EXOC4: variants seen among roughly 807,000 people sequenced by gnomAD.
EXOC4 encodes exocyst complex component 4, also known as SEC8-like 1.
EXOC4 carries 71 observed loss-of-function variants against 107.2 expected under a neutral mutation model. That is an observed-to-expected ratio of 0.66 (90% confidence interval 0.55 to 0.81). The LOEUF is 0.81. Ranked by LOEUF, EXOC4 falls within the 30% of genes least tolerant of loss-of-function variation. The pLI is 0.00. For missense variants in EXOC4, 1,108 were observed against 1,189.6 expected (o/e 0.93, Z 1.01); for synonymous variants, 456 against 441.2 (o/e 1.03, Z -0.42).
chr7:133,300,004 C>T (rs1584790804), intron 3 of EXOC4, among the ~76,000 whole-genome samples: 1 of 151,920 alleles, frequency 6.6e-6, no homozygotes, highest in Admixed American at 6.6e-5. Flanking sequence ...ATGCAGTAAC[C>T]CTGGCAGTAA....
At chr7:133,328,889 A>G (rs1396922912) in intron 5 of EXOC4, among the ~76,000 whole-genome samples, 7 of 151,974 alleles carry the variant, frequency 4.6e-5, no homozygotes, top group African/African-American at 1.5e-4. Flanking sequence ...TCTGATGGTT[A>G]TATGTCTTGG....
intron 10 of EXOC4, among the ~76,000 whole-genome samples, chr7:133,665,029 C>G (rs958989421): frequency 1.2e-4 from 19 of 152,142 alleles, no homozygotes; most frequent in Non-Finnish European, 1.9e-4. Context: ...AAGAAAAATG[C>G]AATGCTCTTT....
intron 14 of EXOC4, among the ~76,000 whole-genome samples, chr7:133,979,631 C>CA (rs1793928005): frequency 1.3e-5 from 2 of 151,868 alleles, no homozygotes; most frequent in African/African-American, 4.8e-5. Flanking sequence ...ACCAAAAATA[C>CA]AAAAAAATTA....
chr7:133,364,625 G>A (rs1221585058), intron 6 of EXOC4, among the ~76,000 whole-genome samples: 1 of 152,274 alleles, frequency 6.6e-6, no homozygotes, highest in Non-Finnish European at 1.5e-5. Context: ...TGGATGCAGG[G>A]CCCACAGGAC....
At chr7:133,352,344 T>A (rs1462049918) in intron 5 of EXOC4, among the ~76,000 whole-genome samples, 1 of 152,060 alleles carries the variant, frequency 6.6e-6, no homozygotes, top group Non-Finnish European at 1.5e-5. Context: ...ATTTTGATAG[T>A]CATTAGGTGT....
intron 10 of EXOC4, among the ~76,000 whole-genome samples, chr7:133,749,361 G>C (rs1324389364): frequency 6.6e-6 from 1 of 152,068 alleles, no homozygotes; most frequent in African/African-American, 2.4e-5. Flanking sequence ...CGCATAATCA[G>C]AATGAAGAAC....
chr7:133,978,972 A>T (rs1470573206), intron 14 of EXOC4, among the ~76,000 whole-genome samples: 1 of 152,190 alleles, frequency 6.6e-6, no homozygotes. Flanking sequence ...GTATGTTCCC[A>T]TTTCACTCTG....
chr7:133,782,989 A>G (rs529003900), intron 10 of EXOC4, among the ~76,000 whole-genome samples: 1 of 152,178 alleles, frequency 6.6e-6, no homozygotes, highest in African/African-American at 2.4e-5. Context: ...GCTATGCCAT[A>G]TATTTGCGTA....
chr7:133,256,576 A>G (rs1795024505), intron 1 of EXOC4, among the ~76,000 whole-genome samples: 1 of 152,264 alleles, frequency 6.6e-6, no homozygotes, highest in Non-Finnish European at 1.5e-5. Context: ...AGCTTTTTAA[A>G]AAATATCTTT....
chr7:133,916,555 C>G (rs1799812494), intron 12 of EXOC4, among the ~76,000 whole-genome samples: 2 of 152,320 alleles, frequency 1.3e-5, no homozygotes, highest in South Asian at 4.1e-4. Context: ...AGATGTGAAC[C>G]ACTGCATCTG....
At chr7:133,485,079 C>CAAAA (rs1491252321) in intron 9 of EXOC4, among the ~76,000 whole-genome samples, 24 of 27,754 alleles carry the variant, frequency 8.6e-4, no homozygotes, top group African/African-American at 2.5e-3. Context: ...GACTCCGTCT[C>CAAAA]AAAAAATAAA....
chr7:133,469,381 A>C (rs1283112048), intron 7 of EXOC4, among the ~76,000 whole-genome samples: 2 of 152,148 alleles, frequency 1.3e-5, no homozygotes, highest in Non-Finnish European at 2.9e-5. Flanking sequence ...GTGCCACTGC[A>C]CTCCAGCCTG....
At chr7:134,087,535 G>C in the EXOC4 span, among the ~76,000 whole-genome samples, 1 of 152,142 alleles carries the variant, frequency 6.6e-6, no homozygotes, top group Non-Finnish European at 1.5e-5. Flanking sequence ...TCCCAAGTAA[G>C]CTAAATTAGA....
At chr7:133,321,466 G>T (rs1364983003) in intron 5 of EXOC4, among the ~76,000 whole-genome samples, 1 of 152,212 alleles carries the variant, frequency 6.6e-6, no homozygotes, top group East Asian at 1.9e-4. Context: ...TTCCTCTCCT[G>T]TGTCCATATG....
intron 14 of EXOC4, among the ~76,000 whole-genome samples, chr7:133,946,842 C>A (rs2116770975): frequency 6.6e-6 from 1 of 152,292 alleles, no homozygotes; most frequent in South Asian, 2.1e-4. Context: ...CAAGAGTTAC[C>A]CCTTTTTTAA....
intron 5 of EXOC4, among the ~76,000 whole-genome samples, chr7:133,323,373 T>C (rs1423633093): frequency 6.6e-6 from 1 of 152,206 alleles, no homozygotes; most frequent in Non-Finnish European, 1.5e-5. Context: ...CTTACTATTT[T>C]GAGATATGTT....
At chr7:133,935,588 C>A (rs2116717689) in intron 13 of EXOC4, among the ~76,000 whole-genome samples, 1 of 152,284 alleles carries the variant, frequency 6.6e-6, no homozygotes, top group Non-Finnish European at 1.5e-5. Flanking sequence ...CTTCCTCCTG[C>A]TCACTCTTAC....
At chr7:133,386,219 A>G (rs765087837) in intron 7 of EXOC4, among the ~76,000 whole-genome samples, 11 of 152,138 alleles carry the variant, frequency 7.2e-5, no homozygotes, top group Non-Finnish European at 1.6e-4. Context: ...AGGTGAGGCT[A>G]TGTCTTTTTT....
chr7:133,794,890 C>T (rs1796780416), intron 10 of EXOC4, among the ~76,000 whole-genome samples: 1 of 151,878 alleles, frequency 6.6e-6, no homozygotes, highest in African/African-American at 2.4e-5. Context: ...GTGCTGCACC[C>T]ATTAACTCTT....
Sources: gnomAD v4.1 joint callset for allele counts (sites outside exome capture counted in the v4.1 genomes callset) on GRCh38, gnomAD v4.1.1 for gene constraint, MANE v1.5 for transcripts, NCBI Gene and HGNC (gene_info 2026-07-23, HGNC 2026-07-21) for gene names.